CIAO2A: variants seen among roughly 807,000 people sequenced by gnomAD.
CIAO2A encodes the protein MIP18 family protein FAM96A.
Under a neutral mutation model 22.4 loss-of-function variants are expected in CIAO2A, and 17 were observed. The observed-to-expected ratio is 0.76, with a 90% confidence interval of 0.52 to 1.14. The LOEUF is 1.14. Ranked by LOEUF, CIAO2A falls within the 50% of genes most tolerant of loss-of-function variation. CIAO2A has a pLI of 0.00. For missense variants in CIAO2A, 192 were observed against 191.4 expected, an observed-to-expected ratio of 1.00 and a Z score of -0.02; for synonymous variants, 74 against 72.3, an observed-to-expected ratio of 1.02 and a Z score of -0.12.
chr15:64,081,569 G>A (rs1323789254), intron 2 of CIAO2A, among the ~76,000 whole-genome samples: 1 of 112,712 alleles, frequency 8.9e-6, no homozygotes, highest in African/African-American at 3.4e-5. Flanking sequence ...ACGGAGTCTT[G>A]AACTGTCGCC....
chr15:64,090,705 G>A (rs2140117143), intron 1 of CIAO2A, among the ~76,000 whole-genome samples: 1 of 152,328 alleles, frequency 6.6e-6, no homozygotes, highest in South Asian at 2.1e-4. Flanking sequence ...GTGCGCTGAA[G>A]CCAGCTTGCA....
chr15:64,078,425 A>G (rs1470177886), intron 3 of CIAO2A, among the ~76,000 whole-genome samples: 6 of 152,166 alleles, frequency 3.9e-5, no homozygotes, highest in Non-Finnish European at 7.4e-5. Flanking sequence ...ACCTGAAGTC[A>G]GGAGTTCAAG....
intron 2 of CIAO2A, among the ~76,000 whole-genome samples, 177 bp downstream of exon 2, chr15:64,088,510 C>G (rs946778545): frequency 6.6e-5 from 10 of 152,302 alleles, no homozygotes; most frequent in African/African-American, 2.2e-4. Flanking sequence ...TTTAACTCAA[C>G]AAGCTAATTG....
Position 64,081,534 on chromosome 15 carries a change from C to CTTTTT in CIAO2A, c.290-384_290-383insAAAAA, listed in dbSNP as rs1567306106. Among the ~76,000 whole-genome samples, 9 of 24,398 alleles carry CTTTTT rather than the reference C, an allele frequency of 3.7e-4. 1 individual carries two copies. The highest frequency in any genetic ancestry group is 8.0e-4 in the Admixed American group (2 of 2,488). 16.0% of individuals were successfully genotyped at this position (24,398 alleles called of 152,430 possible). A position where few individuals can be genotyped will look rare whatever the true frequency, so the allele number is the denominator to read the frequency against. On this transcript the variant is annotated intron_variant, in intron 2 of 4. Transcript: ENST00000300030. ...AGCAAAAGTCAATTAACTCATTAAG[C>CTTTTT]CTTTTTTTTTTTTTTTTTTTTGAGA...
rs1313835774 is a variant in CIAO2A at position 64,075,757 on chromosome 15, TCTC to T, written c.340-223_340-221del. ...CCTCCGCCTCCTGGGTTCAAGCAATTCTCCTACCTCAGCCTCCCAATAGCTGGA... is the reference window on the plus strand; with the variant it reads ...CCTCCGCCTCCTGGGTTCAAGCAATTCTACCTCAGCCTCCCAATAGCTGGA... On this transcript the variant is annotated intron_variant, in intron 3 of 4. Coordinates refer to ENST00000300030, the MANE Select transcript of CIAO2A (RefSeq NM_032231.7). Among the ~76,000 whole-genome samples the T allele has an allele frequency of 2.0e-5, 3 of 151,410 alleles. No individual in the cohort carries two copies. In the East Asian group the frequency reaches 5.8e-4, roughly 29 times the overall value.
At chr15:64,083,915 C>A (rs1471993435) in intron 2 of CIAO2A, among the ~76,000 whole-genome samples, 16 of 151,766 alleles carry the variant, frequency 1.1e-4, no homozygotes. Context: ...TGCTTTCCAA[C>A]CTGGGCAACA....
intron 2 of CIAO2A, among the ~76,000 whole-genome samples, chr15:64,087,070 C>G (rs111665681): frequency 0.039 from 5,721 of 148,164 alleles, 394 homozygotes; most frequent in African/African-American, 0.14. Context: ...TGCCACCATG[C>G]CTTGCTAATT....
At chr15:64,093,312 C>G (rs1008190671) in intron 1 of CIAO2A, among the ~76,000 whole-genome samples, 7 of 152,166 alleles carry the variant, frequency 4.6e-5, no homozygotes, top group African/African-American at 1.7e-4. Context: ...CCTAACCAGG[C>G]ACCCTAGACT....
At chr15:64,090,801 A>T (rs1292879400) in intron 1 of CIAO2A, among the ~76,000 whole-genome samples, 1 of 152,238 alleles carries the variant, frequency 6.6e-6, no homozygotes, top group Non-Finnish European at 1.5e-5. Context: ...TGACTTTATA[A>T]GGAAGCTAGA....
intron 1 of CIAO2A, among the ~76,000 whole-genome samples, chr15:64,091,271 G>A (rs2080837533): frequency 6.6e-6 from 1 of 152,042 alleles, no homozygotes. Context: ...ACCCACCTGA[G>A]TTCAGGAGTT....
chr15:64,080,335 C>G (rs1426377011), intron 3 of CIAO2A, among the ~76,000 whole-genome samples: 5 of 151,968 alleles, frequency 3.3e-5, no homozygotes, highest in Non-Finnish European at 1.5e-5. Flanking sequence ...TTGCAGTGAG[C>G]CGAGATTGCA....
chr15:64,088,783 T>C lies in CIAO2A; in HGVS notation c.193A>G (p.Ser65Gly), dbSNP rs751259047. The change falls in exon 2 of 5, where the codon AGT (serine) becomes GGT (glycine). Residue 65 changes from serine to glycine, a missense_variant. Coordinates refer to ENST00000300030, the MANE Select transcript of CIAO2A (RefSeq NM_032231.7). ...TLEELEVVSESCVEVQEINEE... is the reference protein window; with the variant it reads ...TLEELEVVSEGCVEVQEINEE... ...TTTATCTCCTGAACTTCCACACAAC[T>C]TTCCGAGACCACTTCCAGTTCTTCT... The C allele has an allele frequency of 8.1e-6, 13 of 1,613,996 alleles. No homozygotes were observed. The highest frequency in any genetic ancestry group is 1.1e-5 in the Non-Finnish European group (13 of 1,180,004).
chr15:64,081,092 T>C lies in CIAO2A; in HGVS notation c.339+10A>G, dbSNP rs1234045709. On this transcript the variant is annotated intron_variant, in intron 3 of 4. Coordinates refer to ENST00000300030, the MANE Select transcript of CIAO2A (RefSeq NM_032231.7). The stretch of plus-strand genomic sequence containing the variant: ...CAACAACAACAACAACAAAAATACA[T>C]CTTTCTTACCTTATGTTTAAATGGT... 3.7e-6 allele frequency: 6 copies of C among 1,611,390 alleles called. No individual in the cohort carries two copies. The highest frequency in any genetic ancestry group is 3.4e-6 in the Non-Finnish European group (4 of 1,178,994).
intron 2 of CIAO2A, among the ~76,000 whole-genome samples, chr15:64,088,337 A>G (rs1407841444): frequency 6.6e-6 from 1 of 152,196 alleles, no homozygotes; most frequent in Non-Finnish European, 1.5e-5. Context: ...TTGTGGGCAT[A>G]TATACCTGGG....
intron 4 of CIAO2A, among the ~76,000 whole-genome samples, chr15:64,073,352 G>C (rs2080689803): frequency 6.6e-6 from 1 of 151,810 alleles, no homozygotes; most frequent in Non-Finnish European, 1.5e-5. Flanking sequence ...TAAACTACAG[G>C]GTTATTTAAC....
At chr15:64,089,137 A>G (rs1235978486) in intron 1 of CIAO2A, among the ~76,000 whole-genome samples, 1 of 152,252 alleles carries the variant, frequency 6.6e-6, no homozygotes. Flanking sequence ...AATAACTTTC[A>G]GCTTGAAAGA....
intron 1 of CIAO2A, among the ~76,000 whole-genome samples, chr15:64,091,877 A>G (rs1441851818): frequency 2.0e-5 from 3 of 151,930 alleles, no homozygotes; most frequent in Non-Finnish European, 4.4e-5. Flanking sequence ...TGGGTAACAT[A>G]GCAAAACCTC....
chr15:64,085,336 C>A lies in CIAO2A; in HGVS notation c.289+3351G>T, dbSNP rs372465219. 1.6e-4 allele frequency among the ~76,000 whole-genome samples: 25 copies of A among 152,140 alleles called. 1 individual carries two copies. In the East Asian group the frequency reaches 4.1e-3, roughly 25 times the overall value. Reference sequence around the variant, plus strand: ...CCCAGGAATTTGAGACCAGCCTGGGCAACATGGCAAAACTAGCCAGGCATA... The same window carrying A: ...CCCAGGAATTTGAGACCAGCCTGGGAAACATGGCAAAACTAGCCAGGCATA... On this transcript the variant is annotated intron_variant, in intron 2 of 4. Transcript: ENST00000300030.
intron 1 of CIAO2A, among the ~76,000 whole-genome samples, chr15:64,090,907 C>G (rs1001134581): frequency 6.6e-6 from 1 of 152,074 alleles, no homozygotes; most frequent in Middle Eastern, 3.4e-3. Flanking sequence ...GGAGTGGGAT[C>G]AAATATTTAG....
Sources: gnomAD v4.1 joint callset for allele counts (sites outside exome capture counted in the v4.1 genomes callset) on GRCh38, gnomAD v4.1.1 for gene constraint, MANE v1.5 for transcripts, NCBI Gene and HGNC (gene_info 2026-07-23, HGNC 2026-07-21) for gene names.